The following PPP3R1 variants were observed in gnomAD, a reference collection of about 807,000 sequenced individuals.
PPP3R1 encodes the protein calcineurin subunit B type 1.
PPP3R1 carries 5 observed loss-of-function variants against 22.6 expected under a neutral mutation model. The observed-to-expected ratio is 0.22, with a 90% CI of 0.12 to 0.46. The LOEUF (loss-of-function observed/expected upper bound fraction) is 0.46, where lower values mean the gene tolerates loss of function less well. PPP3R1 is among the 20% of genes least tolerant of loss of function. PPP3R1 has a pLI of 0.99. For missense variants in PPP3R1, 61 were observed against 203.2 expected (o/e 0.30, Z 4.25); for synonymous variants, 56 against 65.2 (o/e 0.86, Z 0.68).
rs755961823 is a variant in PPP3R1, at chr2:68,188,572, T to C, written c.162A>G (p.Leu54=). ...MSLPELQQNP[L]VQRVIDIFDT... is the part of the protein sequence containing the mutation. ...CGAATATATCTATTACTCGCTGTAC[T>C]AAAGGATTCTGTTGTAACTCAGGCA... The change falls in exon 3 of 6, where the codon TTA becomes TTG. Residue 54 remains leucine (L), a synonymous_variant. Transcript: ENST00000234310. 2 of 1,613,228 alleles carry C rather than the reference T, an allele frequency of 1.2e-6. No homozygotes were observed. The highest frequency in any genetic ancestry group is 1.1e-5 in the South Asian group (1 of 91,038).
chr2:68,236,354 T>G (rs1260217838), intron 1 of PPP3R1, among the ~76,000 whole-genome samples: 1 of 152,210 alleles, frequency 6.6e-6, no homozygotes, highest in African/African-American at 2.4e-5. Flanking sequence ...TGCAACAGAC[T>G]GTATGGCTCC....
chr2:68,235,355 G>C lies in PPP3R1; in HGVS notation c.3+16770C>G, dbSNP rs532628685. Reference sequence around the variant, plus strand: ...TACCCACAAAAGCCTGTATCTACTGGCAGTCATTCCCCAACTCCCCCTCAG... The same window carrying C: ...TACCCACAAAAGCCTGTATCTACTGCCAGTCATTCCCCAACTCCCCCTCAG... On this transcript the variant is annotated intron_variant, in intron 1 of 5. Transcript: ENST00000234310. Among the ~76,000 whole-genome samples the C allele has an allele frequency of 5.3e-5, 8 of 152,186 alleles. No individual in the cohort carries two copies. In the East Asian group the frequency reaches 1.5e-3, roughly 29 times the overall value.
At chr2:68,222,890 T>C (rs1454161233) in intron 1 of PPP3R1, among the ~76,000 whole-genome samples, 1 of 152,044 alleles carries the variant, frequency 6.6e-6, no homozygotes, top group Non-Finnish European at 1.5e-5. Context: ...AAAAAGAAAG[T>C]AAATAGTAAG....
At chr2:68,187,437 C>A in intron 3 of PPP3R1, 123 bp from the exon 4 acceptor site, 1 of 797,046 alleles carries the variant, frequency 1.3e-6, no homozygotes, top group South Asian at 2.0e-5. Context: ...CTACTAGCAA[C>A]GTTTAAAAAT....
intron 1 of PPP3R1, among the ~76,000 whole-genome samples, chr2:68,229,811 T>C (rs1669850772): frequency 6.6e-6 from 1 of 152,240 alleles, no homozygotes; most frequent in South Asian, 2.1e-4. Flanking sequence ...ACAGAAATCA[T>C]ATGATTGGGT....
At chr2:68,188,491 A>C in intron 3 of PPP3R1, 23 bp downstream of exon 3, 1 of 1,544,558 alleles carries the variant, frequency 6.5e-7, no homozygotes, top group South Asian at 1.2e-5. Context: ...ACTTGTGGTT[A>C]TAAAAAATAA....
chr2:68,244,821 TC>T (rs1457408503), intron 1 of PPP3R1, among the ~76,000 whole-genome samples: 4 of 152,144 alleles, frequency 2.6e-5, no homozygotes, highest in Admixed American at 2.6e-4. Flanking sequence ...TTTCCTTTAT[TC>T]CACTTCACAT....
chr2:68,214,429 T>C (rs1306710218), intron 2 of PPP3R1, among the ~76,000 whole-genome samples: 3 of 151,438 alleles, frequency 2.0e-5, no homozygotes, highest in Non-Finnish European at 4.4e-5. Context: ...AACTTAAACC[T>C]AAAAGCAAAA....
chr2:68,217,605 T>G (rs1669604128), intron 1 of PPP3R1, among the ~76,000 whole-genome samples: 1 of 152,082 alleles, frequency 6.6e-6, no homozygotes, highest in Non-Finnish European at 1.5e-5. Context: ...TTCCCTGCAT[T>G]GAAACATAAT....
intron 2 of PPP3R1, among the ~76,000 whole-genome samples, chr2:68,216,479 A>ATTT (rs1669582833): frequency 1.4e-5 from 1 of 70,590 alleles, no homozygotes; most frequent in Non-Finnish European, 3.9e-5. Flanking sequence ...TTAAAAATTA[A>ATTT]AAAAAAAAAA....
intron 1 of PPP3R1, among the ~76,000 whole-genome samples, chr2:68,230,001 C>T (rs1669862934): frequency 7.2e-6 from 1 of 138,078 alleles, no homozygotes; most frequent in Non-Finnish European, 1.5e-5. Flanking sequence ...CACACACACA[C>T]ACACACACAC....
In PPP3R1 at chr2:68,252,458, T is replaced by G. The variant is rs1670390952; in HGVS notation, c.-331A>C. The G allele has an allele frequency of 2.0e-6, 2 of 988,572 alleles. No individual in the cohort carries two copies. Among genetic ancestry groups the G allele is most frequent in the Non-Finnish European group, 2.4e-6 (2 of 832,902 alleles). The allele number at this position is 988,572 out of a possible 1,614,324, so 61.2% of individuals were successfully genotyped here. A position where few individuals can be genotyped will look rare whatever the true frequency, so the allele number is the denominator to read the frequency against. ...GAAGACGGCCGGGAAACTCGGGGGC[T>G]GCAGCCTCGCGCTCGCGCCGGAGCC... On this transcript the variant is annotated 5_prime_UTR_variant, in exon 1 of 6. Transcript: ENST00000234310.
chr2:68,186,854 G>C (rs1317187459), intron 4 of PPP3R1, among the ~76,000 whole-genome samples: 1 of 152,162 alleles, frequency 6.6e-6, no homozygotes, highest in Non-Finnish European at 1.5e-5. Context: ...GAGCAGATTT[G>C]GTGGAGCTTA....
chr2:68,228,877 A>G (rs1228562923), intron 1 of PPP3R1, among the ~76,000 whole-genome samples: 3 of 151,960 alleles, frequency 2.0e-5, no homozygotes, highest in African/African-American at 7.3e-5. Context: ...ATTTTTTAAA[A>G]TTTCCCTTGA....
intron 2 of PPP3R1, among the ~76,000 whole-genome samples, chr2:68,205,241 T>C (rs1279946285): frequency 1.7e-5 from 2 of 118,778 alleles, no homozygotes; most frequent in Non-Finnish European, 3.5e-5. Context: ...ATCAGTATTA[T>C]CTTTTTTTTT....
At chr2:68,235,541 C>T (rs1323091349) in intron 1 of PPP3R1, among the ~76,000 whole-genome samples, 1 of 152,176 alleles carries the variant, frequency 6.6e-6, no homozygotes, top group African/African-American at 2.4e-5. Flanking sequence ...AGTATCAACA[C>T]ACTTCTTTTT....
rs1337547061 is a variant in PPP3R1, at chr2:68,252,167, G to C, written c.-40C>G. The C allele has an allele frequency of 7.1e-7, 1 of 1,400,536 alleles. No individual in the cohort carries two copies. The highest frequency in any genetic ancestry group is 1.5e-5 in the African/African-American group (1 of 66,930). 86.8% of individuals were successfully genotyped at this position (1,400,536 alleles called of 1,614,324 possible). The stretch of plus-strand genomic sequence containing the variant: ...CGGCGGCTCGCTGGCTCGCTGGCTC[G>C]GAGAAGTGTTGCGCTCAGGCTGGCT... On this transcript the variant is annotated 5_prime_UTR_variant, in exon 1 of 6. Transcript: ENST00000234310.
intron 1 of PPP3R1, among the ~76,000 whole-genome samples, chr2:68,244,057 GT>G (rs1293453613): frequency 6.6e-6 from 1 of 152,108 alleles, no homozygotes; most frequent in Non-Finnish European, 1.5e-5. Context: ...CTACATTAAT[GT>G]AGTGTCTTTA....
At chr2:68,248,950 T>C (rs1184496410) in intron 1 of PPP3R1, among the ~76,000 whole-genome samples, 3 of 152,180 alleles carry the variant, frequency 2.0e-5, no homozygotes, top group African/African-American at 7.2e-5. Context: ...GCCTTAATCA[T>C]TGCAATATCC....
Sources: gnomAD v4.1 joint callset for allele counts (sites outside exome capture counted in the v4.1 genomes callset) on GRCh38, gnomAD v4.1.1 for gene constraint, MANE v1.5 for transcripts, NCBI Gene and HGNC (gene_info 2026-07-23, HGNC 2026-07-21) for gene names.